Variants in LRRC4C observed in about 807,000 individuals in gnomAD.
The protein encoded by LRRC4C is leucine rich repeat containing 4C.
Under a neutral mutation model 33.6 loss-of-function variants are expected in LRRC4C, and 5 were observed. The observed-to-expected ratio is 0.15, with a 90% confidence interval of 0.08 to 0.31. The LOEUF is 0.31. LRRC4C is among the 10% of genes least tolerant of loss of function. LRRC4C has a pLI of 1.00. For missense variants in LRRC4C, 560 were observed against 796.7 expected (o/e 0.70, Z 3.58); for synonymous variants, 329 against 302.0 (o/e 1.09, Z -0.93).
intron 2 of LRRC4C, among the ~76,000 whole-genome samples, chr11:40,746,752 C>T (rs1485342852): frequency 6.6e-6 from 1 of 152,144 alleles, no homozygotes; most frequent in Non-Finnish European, 1.5e-5. Flanking sequence ...GAGCACTCCT[C>T]TTGGTGAACT....
intron 2 of LRRC4C, among the ~76,000 whole-genome samples, chr11:40,724,084 C>T (rs1226927265): frequency 6.6e-6 from 1 of 151,364 alleles, no homozygotes; most frequent in African/African-American, 2.4e-5. Context: ...ATATACACAA[C>T]CAATATCGGA....
intron 2 of LRRC4C, among the ~76,000 whole-genome samples, chr11:40,850,478 CAA>C (rs1305603401): frequency 2.0e-5 from 3 of 152,194 alleles, no homozygotes; most frequent in Admixed American, 6.5e-5. Context: ...TGCATAACAG[CAA>C]AGACTGCTGC....
intron 1 of LRRC4C, among the ~76,000 whole-genome samples, chr11:41,186,626 G>A (rs1043609579): frequency 2.6e-5 from 4 of 152,102 alleles, no homozygotes; most frequent in African/African-American, 9.7e-5. Context: ...ACACTGGGTC[G>A]GAGGTGGGGA....
chr11:40,177,012 C>T (rs148937648), intron 5 of LRRC4C, among the ~76,000 whole-genome samples: 3,146 of 142,116 alleles, frequency 0.022, 95 homozygotes, highest in African/African-American at 0.062. Context: ...CTGCAAGCTC[C>T]GCCTCCCAGG....
chr11:41,449,850 T>C (rs2138631662), intron 1 of LRRC4C, among the ~76,000 whole-genome samples: 1 of 151,934 alleles, frequency 6.6e-6, no homozygotes, highest in East Asian at 1.9e-4. Context: ...ATAGTCTCCC[T>C]TTTGCCTTTC....
intron 2 of LRRC4C, among the ~76,000 whole-genome samples, chr11:40,754,520 C>T (rs1948848790): frequency 6.6e-6 from 1 of 152,006 alleles, no homozygotes; most frequent in Admixed American, 6.6e-5. Context: ...TGAGGAGGTG[C>T]AGACAGCAGC....
At chr11:40,176,226 T>TA (rs1166144348) in intron 5 of LRRC4C, among the ~76,000 whole-genome samples, 1 of 152,150 alleles carries the variant, frequency 6.6e-6, no homozygotes, top group African/African-American at 2.4e-5. Context: ...TGTCAAGTGG[T>TA]ATAATAAGAC....
chr11:40,236,248 A>G (rs1050954595), intron 5 of LRRC4C, among the ~76,000 whole-genome samples: 1 of 152,214 alleles, frequency 6.6e-6, no homozygotes, highest in South Asian at 2.1e-4. Flanking sequence ...TCTCAAGTCA[A>G]TTATTTCAGA....
At chr11:40,257,793 A>AT (rs1460659765) in intron 4 of LRRC4C, among the ~76,000 whole-genome samples, 1 of 152,168 alleles carries the variant, frequency 6.6e-6, no homozygotes, top group Non-Finnish European at 1.5e-5. Flanking sequence ...GGCTACATAC[A>AT]AGCTGAGAAC....
intron 1 of LRRC4C, among the ~76,000 whole-genome samples, chr11:41,292,658 A>C (rs1950024426): frequency 6.6e-6 from 1 of 152,176 alleles, no homozygotes; most frequent in Admixed American, 6.5e-5. Flanking sequence ...GAGTTATGCC[A>C]GTCAATTATT....
chr11:40,571,147 T>A (rs974007946), intron 3 of LRRC4C, among the ~76,000 whole-genome samples: 1 of 152,108 alleles, frequency 6.6e-6, no homozygotes, highest in Non-Finnish European at 1.5e-5. Flanking sequence ...TTAGGATACG[T>A]AATTATGTAT....
intron 5 of LRRC4C, among the ~76,000 whole-genome samples, chr11:40,155,011 G>T (rs138060046): frequency 3.4e-4 from 51 of 152,144 alleles, no homozygotes; most frequent in African/African-American, 1.2e-3. Flanking sequence ...CACTCTCTCA[G>T]ACCACAGTGG....
At chr11:40,626,379 A>G (rs1183659134) in intron 3 of LRRC4C, among the ~76,000 whole-genome samples, 1 of 152,018 alleles carries the variant, frequency 6.6e-6, no homozygotes, top group East Asian at 1.9e-4. Flanking sequence ...GCAAAATACT[A>G]TGTGTTTCAT....
intron 1 of LRRC4C, among the ~76,000 whole-genome samples, chr11:41,009,300 G>T (rs559779387): frequency 6.6e-6 from 1 of 151,416 alleles, no homozygotes; most frequent in Non-Finnish European, 1.5e-5. Context: ...TAAATTTTTC[G>T]AGTATCATTA....
chr11:40,773,882 C>A (rs1301810616), intron 2 of LRRC4C, among the ~76,000 whole-genome samples: 3 of 151,720 alleles, frequency 2.0e-5, no homozygotes, highest in Non-Finnish European at 4.4e-5. Flanking sequence ...ATAAAATTAA[C>A]CATTTCAAAG....
intron 1 of LRRC4C, among the ~76,000 whole-genome samples, chr11:40,940,252 G>A (rs565650420): frequency 2.6e-5 from 4 of 152,160 alleles, no homozygotes; most frequent in East Asian, 1.9e-4. Flanking sequence ...TAAACAAAGT[G>A]CTCATGAAAA....
chr11:40,190,384 T>C (rs754728734), intron 5 of LRRC4C, among the ~76,000 whole-genome samples: 20 of 152,174 alleles, frequency 1.3e-4, no homozygotes, highest in Non-Finnish European at 8.8e-5. Context: ...GGATGGATTT[T>C]TAAAAGCTCC....
chr11:40,322,409 C>T (rs1406709585), intron 3 of LRRC4C, among the ~76,000 whole-genome samples: 2 of 152,072 alleles, frequency 1.3e-5, no homozygotes, highest in Non-Finnish European at 1.5e-5. Context: ...CCATGCCTGG[C>T]TAATTTTTGT....
intron 3 of LRRC4C, among the ~76,000 whole-genome samples, chr11:40,379,040 C>G (rs943144460): frequency 6.6e-6 from 1 of 151,934 alleles, no homozygotes; most frequent in Admixed American, 6.6e-5. Context: ...GACTTAAAGT[C>G]ATATTAAAGT....
Sources: allele counts gnomAD v4.1 joint callset (sites outside exome capture counted in the v4.1 genomes callset), GRCh38; gene constraint gnomAD v4.1.1; transcripts MANE v1.5; gene names NCBI Gene and HGNC (gene_info 2026-07-23, HGNC 2026-07-21).